RALGAPA2: variants seen among roughly 807,000 people sequenced by gnomAD.
The protein encoded by RALGAPA2 is ral GTPase-activating protein subunit alpha-2.
A neutral mutation model predicts 230.4 loss-of-function variants in RALGAPA2; 139 were observed. That is an observed-to-expected ratio of 0.60 (90% CI 0.53 to 0.69). RALGAPA2 has a LOEUF of 0.69. Ranked by LOEUF, RALGAPA2 falls within the 30% of genes least tolerant of loss-of-function variation. The pLI is 0.00. For missense variants in RALGAPA2, 2,163 were observed against 2,276.0 expected, an observed-to-expected ratio of 0.95 and a Z score of 1.01; for synonymous variants, 847 against 837.8, an observed-to-expected ratio of 1.01 and a Z score of -0.19.
At chr20:20,563,485 G>C (rs955034524) in intron 23 of RALGAPA2, among the ~76,000 whole-genome samples, 2 of 152,152 alleles carry the variant, frequency 1.3e-5, no homozygotes, top group Non-Finnish European at 2.9e-5. Flanking sequence ...CTTAAGTACA[G>C]AGAAAATGTC....
chr20:20,586,260 G>A (rs942388885), intron 18 of RALGAPA2, among the ~76,000 whole-genome samples: 1 of 152,082 alleles, frequency 6.6e-6, no homozygotes, highest in Non-Finnish European at 1.5e-5. Context: ...CAGAAACCAG[G>A]GCAGTGAAAC....
At chr20:20,443,737 T>C (rs1473881739) in intron 37 of RALGAPA2, among the ~76,000 whole-genome samples, 1 of 152,268 alleles carries the variant, frequency 6.6e-6, no homozygotes, top group East Asian at 1.9e-4. Flanking sequence ...TGTTTCCGCA[T>C]GGCTAAATGA....
intron 36 of RALGAPA2, among the ~76,000 whole-genome samples, chr20:20,484,926 G>C (rs977322537): frequency 6.6e-6 from 1 of 152,202 alleles, no homozygotes. Flanking sequence ...GGCTAGAGGG[G>C]CTAACCGATT....
intron 31 of RALGAPA2, among the ~76,000 whole-genome samples, chr20:20,514,080 A>G (rs1446273112): frequency 6.6e-6 from 1 of 152,048 alleles, no homozygotes; most frequent in Non-Finnish European, 1.5e-5. Flanking sequence ...ATCCTTTCCT[A>G]GACTGGCAGC....
intron 27 of RALGAPA2, among the ~76,000 whole-genome samples, chr20:20,531,370 A>G (rs1428477656): frequency 1.3e-5 from 2 of 152,230 alleles, no homozygotes; most frequent in Non-Finnish European, 2.9e-5. Context: ...TGAAGAGGCC[A>G]GAGCACGACA....
chr20:20,607,713 G>A (rs2065862827), intron 14 of RALGAPA2, among the ~76,000 whole-genome samples: 1 of 152,240 alleles, frequency 6.6e-6, no homozygotes, highest in South Asian at 2.1e-4. Context: ...GATAAAAGCA[G>A]ATGTCTTGGT....
At position 20,392,580 on chromosome 20, in the gene RALGAPA2, A is replaced by G. The variant is rs1428218940; in HGVS notation, c.*709T>C. 1 of 157,822 alleles carries G rather than the reference A, an allele frequency of 6.3e-6. No individual in the cohort carries two copies. The allele number at this position is 157,822 out of a possible 1,614,324, so 9.8% of individuals were successfully genotyped here. On this transcript the variant is annotated 3_prime_UTR_variant, in exon 40 of 40. Coordinates refer to ENST00000202677, the MANE Select transcript of RALGAPA2 (RefSeq NM_020343.4). ...ATAGGGGCATCACTGTCATGACCTG[A>G]AGCGCCTCTGCGTGGTGAGGAGAGC... is the stretch of plus-strand genomic sequence containing the variant.
intron 37 of RALGAPA2, among the ~76,000 whole-genome samples, chr20:20,439,024 T>G (rs1337549324): frequency 3.3e-5 from 5 of 152,228 alleles, no homozygotes; most frequent in African/African-American, 1.2e-4. Context: ...TAGCAGGCCC[T>G]GTACTAATTA....
intron 23 of RALGAPA2, among the ~76,000 whole-genome samples, chr20:20,547,869 C>G (rs186112699): frequency 6.6e-6 from 1 of 152,142 alleles, no homozygotes; most frequent in African/African-American, 2.4e-5. Context: ...TACTACACAT[C>G]CAGGATACAA....
At chr20:20,704,165 T>C (rs2069506899) in intron 1 of RALGAPA2, among the ~76,000 whole-genome samples, 1 of 152,036 alleles carries the variant, frequency 6.6e-6, no homozygotes, top group East Asian at 1.9e-4. Flanking sequence ...CATGTCCCCA[T>C]CATCTAGCAC....
intron 37 of RALGAPA2, among the ~76,000 whole-genome samples, chr20:20,429,977 T>G (rs1368220216): frequency 1.3e-5 from 2 of 152,266 alleles, no homozygotes; most frequent in Admixed American, 1.3e-4. Context: ...TGATATTTCA[T>G]GTGTCATCAC....
chr20:20,521,027 A>T lies in RALGAPA2; in HGVS notation c.3974T>A (p.Leu1325Ter). Residue 1325 changes from leucine to a stop codon, truncating the protein, a stop_gained, in exon 31 of 40, where the codon TTG becomes TAG. Coordinates refer to ENST00000202677, the MANE Select transcript of RALGAPA2 (RefSeq NM_020343.4). LOFTEE classifies it high-confidence loss of function. ...GAAGGGGTCATAATCCGTGGATGAC[A>T]AGTCAGCCAGGGTCAGTATGTAGTG... Reference protein sequence around the residue: ...QSHYILTLADLSSTDYDPFLP... With the variant: ...QSHYILTLAD The T allele has an allele frequency of 4.3e-6, 7 of 1,613,850 alleles. No individual in the cohort carries two copies. Among genetic ancestry groups the T allele is most frequent in the Non-Finnish European group, 5.9e-6 (7 of 1,179,782 alleles).
At chr20:20,414,348 C>A (rs958234315) in intron 37 of RALGAPA2, among the ~76,000 whole-genome samples, 1 of 152,178 alleles carries the variant, frequency 6.6e-6, no homozygotes, top group African/African-American at 2.4e-5. Flanking sequence ...GGCCCCACTG[C>A]GTCCAACACA....
rs1168903059 is a variant in RALGAPA2, at chr20:20,453,271, C to G, written c.5495+19558G>C. ...AAGAGGACAGCTCCAAGCAGCTTCA[C>G]CTCCTGGTCTTGTTCTTCTCACACA... On this transcript the variant is annotated intron_variant, in intron 37 of 39. Transcript: ENST00000202677. Among the ~76,000 whole-genome samples the G allele has an allele frequency of 2.0e-5, 3 of 152,306 alleles. No homozygotes were observed. In the East Asian group the frequency reaches 5.8e-4, roughly 29 times the overall value.
At chr20:20,626,348 C>T (rs2066490044) in intron 10 of RALGAPA2, among the ~76,000 whole-genome samples, 1 of 152,178 alleles carries the variant, frequency 6.6e-6, no homozygotes. Context: ...AGATTTTAAA[C>T]TTCACATACA....
In RALGAPA2 at chr20:20,523,972, G is replaced by C. The variant is rs564253049; in HGVS notation, c.3900+434C>G. ...GTCCTTAAGTTATTTACTTTTTTGG[G>C]GGGGGATGGAGTCTCGCTCTGTTGC... On this transcript the variant is annotated intron_variant, in intron 30 of 39. Transcript: ENST00000202677. Among the ~76,000 whole-genome samples the C allele has an allele frequency of 5.3e-5, 8 of 152,064 alleles. No individual in the cohort carries two copies. In the East Asian group the frequency reaches 7.8e-4, roughly 15 times the overall value.
intron 24 of RALGAPA2, among the ~76,000 whole-genome samples, chr20:20,537,463 T>C (rs2063526737): frequency 6.6e-6 from 1 of 151,626 alleles, no homozygotes; most frequent in Non-Finnish European, 1.5e-5. Context: ...CTACTAAGCA[T>C]ATAAAAATTA....
Position 20,437,179 on chromosome 20 carries a change from T to C in RALGAPA2, c.5496-25031A>G, listed in dbSNP as rs908285511. ...TTAATTCAAACAGAAGTTCACCTCC[T>C]GTAAATGGGGAAATTAAGGAGACTG... On this transcript the variant is annotated intron_variant, in intron 37 of 39. Coordinates refer to ENST00000202677, the MANE Select transcript of RALGAPA2 (RefSeq NM_020343.4). This position sits in a 1 kb window ranked among gnomAD's most constrained non-coding sequence, Gnocchi z 4.1. 6.6e-6 allele frequency among the ~76,000 whole-genome samples: 1 copy of C among 152,172 alleles called. No individual in the cohort carries two copies. The highest frequency in any genetic ancestry group is 6.5e-5 in the Admixed American group (1 of 15,282).
intron 37 of RALGAPA2, among the ~76,000 whole-genome samples, chr20:20,416,115 A>G (rs6046839): frequency 0.023 from 3,550 of 152,314 alleles, 118 homozygotes; most frequent in East Asian, 0.16. Flanking sequence ...TGGGGACAAC[A>G]ACGCCTGTTC....
Sources: gnomAD v4.1 joint callset for allele counts (sites outside exome capture counted in the v4.1 genomes callset) on GRCh38, gnomAD v4.1.1 for gene constraint, Gnocchi (gnomAD v3.1) non-coding constraint, MANE v1.5 for transcripts, NCBI Gene and HGNC (gene_info 2026-07-23, HGNC 2026-07-21) for gene names.